Variants in AP5Z1 observed in about 807,000 individuals in gnomAD.
AP5Z1 encodes adaptor related protein complex 5 subunit zeta 1, also known as AP-5 complex subunit zeta-1.
AP5Z1 carries 106 observed loss-of-function variants against 83.0 expected under a neutral mutation model. The observed-to-expected ratio is 1.28, with a 90% CI of 1.09 to 1.50. AP5Z1 has a LOEUF of 1.50. Among genes scored for constraint, AP5Z1 ranks in the 40% most tolerant of loss-of-function variants. The pLI is 0.00. For synonymous variants in AP5Z1, 751 were observed against 514.1 expected (o/e 1.46, Z -6.23); for missense variants, 1,565 against 1,094.2 (o/e 1.43, Z -6.07).
intron 14 of AP5Z1, 57 bp downstream of exon 14, chr7:4,789,986 C>CCA: frequency 1.0e-6 from 1 of 985,834 alleles, no homozygotes; most frequent in South Asian, 1.8e-5. Flanking sequence ...TGGACTCCTC[C>CCA]CCCTCTCCCC....
chr7:4,789,629 G>T (rs893660821), intron 13 of AP5Z1, among the ~76,000 whole-genome samples: 1 of 152,214 alleles, frequency 6.6e-6, no homozygotes, highest in East Asian at 1.9e-4. Context: ...CTCTGCCGGG[G>T]GCACTTGGGC....
In AP5Z1 at chr7:4,786,396, A is replaced by C; in HGVS notation, c.1279A>C (p.Thr427Pro). 1.2e-6 allele frequency: 2 copies of C among 1,613,786 alleles called. No homozygotes were observed. The highest frequency in any genetic ancestry group is 1.7e-6 in the Non-Finnish European group (2 of 1,179,818). ...NLHLFSGHLS[T>P]LRLSFPNLFK... ...CCACCTGTTCAGCGGGCACCTCAGC[A>C]CCCTCAGATTGAGCTTCCCCAACCT... is the stretch of plus-strand genomic sequence containing the variant. Residue 427 changes from threonine to proline, a missense_variant, in exon 10 of 17, where the codon ACC becomes CCC. Physicochemically the swap from Thr to Pro is conservative, Grantham distance 38. Coordinates refer to ENST00000649063, the MANE Select transcript of AP5Z1 (RefSeq NM_014855.3).
intron 4 of AP5Z1, 34 bp downstream of exon 4, chr7:4,783,494 G>T (rs767952377): frequency 3.1e-6 from 5 of 1,603,568 alleles, no homozygotes; most frequent in Non-Finnish European, 4.3e-6. Flanking sequence ...GCTGTTGGGG[G>T]TCTGCCTTCC....
Position 4,791,740 on chromosome 7 carries a change from A to C in AP5Z1, c.*355A>C. ...GGGCAAGAAGAGCTGCAGTAAAAGT[A>C]AATCTCCTTTAATAAGCGTCTGTAT... On this transcript the variant is annotated 3_prime_UTR_variant, in exon 17 of 17. Transcript: ENST00000649063. The C allele has an allele frequency of 2.9e-6, 1 of 342,040 alleles. No homozygotes were observed. The highest frequency in any genetic ancestry group is 5.1e-5 in the East Asian group (1 of 19,604). The allele number at this position is 342,040 out of a possible 1,614,324, so 21.2% of individuals were successfully genotyped here.
At chr7:4,786,525 A>G in intron 10 of AP5Z1, 97 bp downstream of exon 10, 7 of 1,400,868 alleles carry the variant, frequency 5.0e-6, no homozygotes, top group Non-Finnish European at 4.9e-6. Context: ...GTCCTGGCTG[A>G]GCATAGAGCC....
intron 1 of AP5Z1, among the ~76,000 whole-genome samples, chr7:4,776,739 G>A (rs1235970271): frequency 6.6e-6 from 1 of 151,586 alleles, no homozygotes; most frequent in East Asian, 1.9e-4. Context: ...CGTCTCAAAA[G>A]AAAAAAGAAA....
At position 4,792,897 on chromosome 7, in the gene AP5Z1, C is replaced by CA. The variant is rs1157944827; in HGVS notation, c.*1513dup. 2.0e-5 allele frequency: 3 copies of CA among 152,426 alleles called. No individual in the cohort carries two copies. Among genetic ancestry groups the CA allele is most frequent in the Non-Finnish European group, 4.4e-5 (3 of 68,148 alleles). The allele number at this position is 152,426 out of a possible 1,614,324, so 9.4% of individuals were successfully genotyped here. On this transcript the variant is annotated 3_prime_UTR_variant, in exon 17 of 17. Coordinates refer to ENST00000649063, the MANE Select transcript of AP5Z1 (RefSeq NM_014855.3). ...GCGCTGCTGGGCTCATCCCGAAGCT[C>CA]AGAGAGCGTGGGGCTGCCCCTAGGC...
At position 4,793,134 on chromosome 7, in the gene AP5Z1, G is replaced by C. The variant is rs943620722; in HGVS notation, c.*1749G>C. 1 of 152,346 alleles carries C rather than the reference G, an allele frequency of 6.6e-6. No homozygotes were observed. Among genetic ancestry groups the C allele is most frequent in the Non-Finnish European group, 1.5e-5 (1 of 68,104 alleles). The allele number at this position is 152,346 out of a possible 1,614,324, so 9.4% of individuals were successfully genotyped here. A position where few individuals can be genotyped will look rare whatever the true frequency, so the allele number is the denominator to read the frequency against. On this transcript the variant is annotated 3_prime_UTR_variant, in exon 17 of 17. Transcript: ENST00000649063. ...TTGAAGGGCCGTCCCGCTCATCCAA[G>C]GGACAAGGAGGAGCTCATGGCCACA...
chr7:4,791,306 ATGCCAACACGGCCC>A lies in AP5Z1; in HGVS notation c.2350_2363del (p.Asn784ProfsTer92), dbSNP rs1184936334. On this transcript the variant is annotated frameshift_variant, in exon 17 of 17. Coordinates refer to ENST00000649063, the MANE Select transcript of AP5Z1 (RefSeq NM_014855.3). LOFTEE classifies it high-confidence loss of function. ...GTGTGCAGCCCCCGCTATCACCGCGATGCCAACACGGCCCTGCCCCTGGCCCTGCGCACGGTCAG... is the reference window on the plus strand; with the variant it reads ...GTGTGCAGCCCCCGCTATCACCGCGATGCCCCTGGCCCTGCGCACGGTCAG... The A allele has an allele frequency of 3.1e-6, 5 of 1,612,178 alleles. No individual in the cohort carries two copies. The Admixed American group carries it at 8.3e-5, about 27-fold the overall frequency.
At chr7:4,788,760 G>A in intron 12 of AP5Z1, 80 bp from the exon 13 acceptor site, 1 of 1,249,944 alleles carries the variant, frequency 8.0e-7, no homozygotes, top group East Asian at 2.6e-5. Flanking sequence ...TGTGCGAGAG[G>A]GAGCAGTGGC....
intron 5 of AP5Z1, among the ~76,000 whole-genome samples, 180 bp downstream of exon 5, chr7:4,783,978 G>C (rs766085726): frequency 1.1e-4 from 17 of 152,164 alleles, no homozygotes; most frequent in Non-Finnish European, 1.9e-4. Context: ...GTGGCTCTGG[G>C]GGTCTGTGCG....
chr7:4,781,183 A>G lies in AP5Z1; in HGVS notation c.50A>G (p.Gln17Arg). The G allele has an allele frequency of 6.2e-7, 1 of 1,613,950 alleles. No individual in the cohort carries two copies. The highest frequency in any genetic ancestry group is 8.5e-7 in the Non-Finnish European group (1 of 1,179,866). Residue 17 changes from glutamine to arginine, a missense_variant, in exon 2 of 17, where the codon CAG (glutamine) becomes CGG (arginine). Physicochemically the swap from Gln to Arg is conservative, Grantham distance 43. Transcript: ENST00000649063. ...ESLLHQAREI[Q>R]DEELKKFCSR... ...TCCTCTTCTTTGTTTAGGGAGATCCAGGACGAGGAGCTGAAGAAGTTCTGT... is the reference window on the plus strand; with the variant it reads ...TCCTCTTCTTTGTTTAGGGAGATCCGGGACGAGGAGCTGAAGAAGTTCTGT...
At chr7:4,776,592 G>A (rs1376210430) in intron 1 of AP5Z1, among the ~76,000 whole-genome samples, 4 of 151,198 alleles carry the variant, frequency 2.6e-5, no homozygotes, top group African/African-American at 7.3e-5. Flanking sequence ...AAAATTAGCC[G>A]GGCGTGGTGG....
In AP5Z1 at chr7:4,781,245, G is replaced by T; in HGVS notation, c.112G>T (p.Gly38Trp). 6.2e-7 allele frequency: 1 copy of T among 1,613,818 alleles called. No individual in the cohort carries two copies. The highest frequency in any genetic ancestry group is 8.5e-7 in the Non-Finnish European group (1 of 1,179,796). ...ICKLLQAEDLGPDTLDSLQRL... is the reference protein window; with the variant it reads ...ICKLLQAEDLWPDTLDSLQRL... ...TAAACTGCTGCAGGCGGAGGACTTG[G>T]GGCCGGACACCCTCGACTCCCTGCA... The change falls in exon 2 of 17, where the codon GGG becomes TGG. Residue 38 changes from glycine to tryptophan, a missense_variant. Coordinates refer to ENST00000649063, the MANE Select transcript of AP5Z1 (RefSeq NM_014855.3).
chr7:4,779,852 C>T (rs1222540285), intron 1 of AP5Z1, among the ~76,000 whole-genome samples: 1 of 151,988 alleles, frequency 6.6e-6, no homozygotes, highest in Non-Finnish European at 1.5e-5. Flanking sequence ...CCATGTTAGC[C>T]AGCTGGTCTT....
intron 14 of AP5Z1, 100 bp from the exon 15 acceptor site, chr7:4,790,359 A>T (rs1276657082): frequency 1.3e-6 from 2 of 1,579,872 alleles, no homozygotes; most frequent in African/African-American, 1.3e-5. Flanking sequence ...GCATACACCT[A>T]CCACTCAGAC....
At chr7:4,777,608 C>T (rs1243175803) in intron 1 of AP5Z1, among the ~76,000 whole-genome samples, 3 of 152,114 alleles carry the variant, frequency 2.0e-5, no homozygotes, top group East Asian at 1.9e-4. Flanking sequence ...AGGCTGGTCT[C>T]GAATTCCTGA....
Position 4,790,584 on chromosome 7 carries a change from C to G in AP5Z1, c.1931C>G (p.Thr644Ser). The G allele has an allele frequency of 6.2e-7, 1 of 1,613,018 alleles. No individual in the cohort carries two copies. Among genetic ancestry groups the G allele is most frequent in the Non-Finnish European group, 8.5e-7 (1 of 1,179,846 alleles). Reference sequence around the variant, plus strand: ...CTCTGCAGCAGGGCGAGCCTCGTCACCAGCGTGGTAAGGCGGGCGCTGGCC... The same window carrying G: ...CTCTGCAGCAGGGCGAGCCTCGTCAGCAGCGTGGTAAGGCGGGCGCTGGCC... ...NGLCSRASLVTSVVWAIGEYL... is the reference protein window; with the variant it reads ...NGLCSRASLVSSVVWAIGEYL... The change falls in exon 15 of 17, where the codon ACC becomes AGC. Residue 644 changes from threonine to serine, a missense_variant. Thr to Ser is a moderately conservative substitution (Grantham distance 58). Coordinates refer to ENST00000649063, the MANE Select transcript of AP5Z1 (RefSeq NM_014855.3).
chr7:4,786,241 G>C lies in AP5Z1; in HGVS notation c.1133-9G>C, dbSNP rs774841365. ...AAGACGTGTGCCCTGGCGGGCCCTG[G>C]TCTTGCAGGGGAAGCGGCTGCAGTG... On this transcript the variant is annotated splice_polypyrimidine_tract_variant and intron_variant, in intron 9 of 16. Coordinates refer to ENST00000649063, the MANE Select transcript of AP5Z1 (RefSeq NM_014855.3). 2.5e-6 allele frequency: 4 copies of C among 1,595,820 alleles called. No homozygotes were observed. Among genetic ancestry groups the C allele is most frequent in the Middle Eastern group, 1.7e-4 (1 of 5,890 alleles).
Sources: allele counts gnomAD v4.1 joint callset (sites outside exome capture counted in the v4.1 genomes callset), GRCh38; gene constraint gnomAD v4.1.1; transcripts MANE v1.5; gene names NCBI Gene and HGNC (gene_info 2026-07-23, HGNC 2026-07-21).